Variants in STAC observed in about 807,000 individuals in gnomAD.
The protein encoded by STAC is SH3 and cysteine-rich domain-containing protein.
In STAC, 43 loss-of-function variants were observed where a neutral mutation model predicts 48.8. The observed-to-expected ratio is 0.88, with a 90% CI of 0.69 to 1.14. The LOEUF is 1.14. STAC is among the 50% of genes most tolerant of loss of function. The probability of loss-of-function intolerance (pLI) is 0.00; values close to 1 mark genes in which losing one functional copy is unlikely to be tolerated. For synonymous variants in STAC, 193 were observed against 179.5 expected (o/e 1.07, Z -0.60); for missense variants, 497 against 504.0 (o/e 0.99, Z 0.13).
chr3:36,464,405 G>A (rs1340716212), intron 2 of STAC, among the ~76,000 whole-genome samples: 3 of 151,398 alleles, frequency 2.0e-5, no homozygotes, highest in Non-Finnish European at 4.4e-5. Context: ...GTTCATTGTA[G>A]ATTCTGGACA....
intron 5 of STAC, among the ~76,000 whole-genome samples, chr3:36,489,706 A>C (rs372434454): frequency 6.6e-6 from 1 of 152,198 alleles, no homozygotes; most frequent in East Asian, 1.9e-4. Context: ...GGCATATCAG[A>C]ATCCCCTGGA....
At chr3:36,475,487 T>C (rs1476528505) in intron 2 of STAC, among the ~76,000 whole-genome samples, 1 of 152,230 alleles carries the variant, frequency 6.6e-6, no homozygotes, top group Non-Finnish European at 1.5e-5. Flanking sequence ...GGCTAAATTG[T>C]TATGCTTCCA....
At chr3:36,395,746 T>C (rs1252795428) in intron 1 of STAC, among the ~76,000 whole-genome samples, 2 of 152,192 alleles carry the variant, frequency 1.3e-5, no homozygotes, top group Non-Finnish European at 2.9e-5. Context: ...ATGGAAGCTC[T>C]TCTCTTCTAT....
chr3:36,427,891 C>T (rs1700604940), intron 1 of STAC, among the ~76,000 whole-genome samples: 1 of 152,088 alleles, frequency 6.6e-6, no homozygotes, highest in African/African-American at 2.4e-5. Context: ...ATATGTGTAA[C>T]CTGACAGAAC....
chr3:36,400,136 G>A (rs73054167), intron 1 of STAC, among the ~76,000 whole-genome samples: 3,550 of 152,286 alleles, frequency 0.023, 61 homozygotes, highest in East Asian at 0.026. Flanking sequence ...GAGTTTCTCA[G>A]TTTCACACAG....
intron 1 of STAC, among the ~76,000 whole-genome samples, chr3:36,427,579 G>C (rs1347792455): frequency 6.6e-6 from 1 of 152,136 alleles, no homozygotes; most frequent in African/African-American, 2.4e-5. Flanking sequence ...CTGGGCTTTA[G>C]AGTCAATCAC....
At chr3:36,391,789 T>C (rs553808441) in intron 1 of STAC, among the ~76,000 whole-genome samples, 122 of 152,284 alleles carry the variant, frequency 8.0e-4, no homozygotes, top group African/African-American at 2.9e-3. Context: ...TGTCTGAAAA[T>C]GAAACATATA....
intron 8 of STAC, among the ~76,000 whole-genome samples, chr3:36,512,184 G>A (rs79055337): frequency 1.9e-3 from 285 of 152,248 alleles, no homozygotes; most frequent in African/African-American, 6.5e-3. Context: ...GAACTCACTG[G>A]CTGAAGTTGT....
At chr3:36,507,472 G>A (rs980259638) in intron 8 of STAC, among the ~76,000 whole-genome samples, 2 of 152,134 alleles carry the variant, frequency 1.3e-5, no homozygotes, top group African/African-American at 4.8e-5. Context: ...CTATTGTTTG[G>A]AATAGTTTCA....
intron 10 of STAC, among the ~76,000 whole-genome samples, chr3:36,537,960 CAG>C (rs1436832466): frequency 1.3e-5 from 2 of 150,300 alleles, no homozygotes; most frequent in East Asian, 3.9e-4. Flanking sequence ...TAAAAAAAAA[CAG>C]AAAAAAATAT....
At chr3:36,427,586 T>G (rs1700596222) in intron 1 of STAC, among the ~76,000 whole-genome samples, 1 of 152,160 alleles carries the variant, frequency 6.6e-6, no homozygotes, top group African/African-American at 2.4e-5. Flanking sequence ...TTAGAGTCAA[T>G]CACTTCTAGA....
At chr3:36,402,971 C>A (rs1168627122) in intron 1 of STAC, among the ~76,000 whole-genome samples, 1 of 152,166 alleles carries the variant, frequency 6.6e-6, no homozygotes, top group Non-Finnish European at 1.5e-5. Context: ...ACCAAAAGGA[C>A]CACTGTGCAC....
At chr3:36,492,027 AAAAAATATATATATATAT>A (rs1462030585) in intron 5 of STAC, among the ~76,000 whole-genome samples, 3 of 18,334 alleles carry the variant, frequency 1.6e-4, no homozygotes, top group Non-Finnish European at 2.6e-4. Flanking sequence ...AAAAAAAAAA[AAAAAATATATATATATAT>A]ATATATATAT....
At chr3:36,438,005 C>G (rs1002656281) in intron 1 of STAC, among the ~76,000 whole-genome samples, 28 of 150,654 alleles carry the variant, frequency 1.9e-4, no homozygotes, top group African/African-American at 6.8e-4. Context: ...ATGGTGTGAT[C>G]TTGGTTCACT....
At chr3:36,418,098 AT>A (rs796102418) in intron 1 of STAC, among the ~76,000 whole-genome samples, 2 of 151,692 alleles carry the variant, frequency 1.3e-5, no homozygotes, top group South Asian at 4.1e-4. Flanking sequence ...CTATTTTAAC[AT>A]TTTTTTCAAT....
intron 1 of STAC, among the ~76,000 whole-genome samples, chr3:36,401,829 C>A (rs9809590): frequency 6.6e-6 from 1 of 152,186 alleles, no homozygotes. Flanking sequence ...ACACACAGAT[C>A]TCATCCACGA....
chr3:36,481,318 G>C (rs1465887663), intron 2 of STAC, among the ~76,000 whole-genome samples: 1 of 152,318 alleles, frequency 6.6e-6, no homozygotes, highest in East Asian at 1.9e-4. Flanking sequence ...GAAAGGCAGA[G>C]AGAACCTGCT....
chr3:36,520,389 G>GC (rs1428603554), intron 8 of STAC, among the ~76,000 whole-genome samples: 1 of 152,112 alleles, frequency 6.6e-6, no homozygotes, highest in East Asian at 1.9e-4. Flanking sequence ...TAGGCAGTGG[G>GC]CCAGTGGCAG....
rs1456357841 is a variant in STAC at position 36,547,699 on chromosome 3, C to A, written c.*1410C>A. ...AGCATTATTTCCCAAACCAAAGCAT[C>A]ATTCATCTCCATTTATTTCTTTTGT... On this transcript the variant is annotated 3_prime_UTR_variant, in exon 11 of 11. Transcript: ENST00000273183. 1.3e-5 allele frequency: 2 copies of A among 152,474 alleles called. No individual in the cohort carries two copies. The highest frequency in any genetic ancestry group is 2.9e-5 in the Non-Finnish European group (2 of 68,032). 9.4% of individuals were successfully genotyped at this position (152,474 alleles called of 1,614,324 possible).
Sources: allele counts gnomAD v4.1 joint callset (sites outside exome capture counted in the v4.1 genomes callset), GRCh38; gene constraint gnomAD v4.1.1; transcripts MANE v1.5; gene names NCBI Gene and HGNC (gene_info 2026-07-23, HGNC 2026-07-21).